Variants in DGAT2 observed in about 807,000 individuals in gnomAD.
The protein encoded by DGAT2 is diacylglycerol O-acyltransferase 2, also known as acyl-CoA retinol O-fatty-acyltransferase.
DGAT2 carries 33 observed loss-of-function variants against 48.4 expected under a neutral mutation model. That is an observed-to-expected ratio of 0.68 (90% CI 0.52 to 0.91). The LOEUF is 0.91. Among genes scored for constraint, DGAT2 ranks in the 40% least tolerant of loss-of-function variants. The probability of loss-of-function intolerance (pLI) is 0.00; values close to 1 mark genes in which losing one functional copy is unlikely to be tolerated. For missense variants in DGAT2, 446 were observed against 493.7 expected, an observed-to-expected ratio of 0.90 and a Z score of 0.92; for synonymous variants, 191 against 194.1, an observed-to-expected ratio of 0.98 and a Z score of 0.13.
At chr11:75,778,561 G>A (rs541346591) in intron 1 of DGAT2, among the ~76,000 whole-genome samples, 2 of 152,294 alleles carry the variant, frequency 1.3e-5, no homozygotes, top group Admixed American at 6.5e-5. Flanking sequence ...CTGGCTGGGC[G>A]TGGTGGCTCA....
intron 1 of DGAT2, 78 bp downstream of exon 1, chr11:75,769,190 T>G: frequency 2.7e-6 from 4 of 1,458,598 alleles, no homozygotes; most frequent in Non-Finnish European, 3.6e-6. Flanking sequence ...TGGTGGGTAC[T>G]GATGAGTCCA....
At chr11:75,786,246 A>C (rs117375932) in intron 2 of DGAT2, among the ~76,000 whole-genome samples, 3,088 of 152,272 alleles carry the variant, frequency 0.02, 82 homozygotes, top group Admixed American at 0.077. Flanking sequence ...ACTTACTAGA[A>C]TCCTAGAGTA....
At chr11:75,790,423 C>T in intron 3 of DGAT2, 128 bp downstream of exon 3, 1 of 882,482 alleles carries the variant, frequency 1.1e-6, no homozygotes, top group South Asian at 1.5e-5. Context: ...CTGGACTAGT[C>T]CTTTTGGGGG....
chr11:75,780,982 A>C (rs1385861783), intron 1 of DGAT2, among the ~76,000 whole-genome samples: 1 of 152,264 alleles, frequency 6.6e-6, no homozygotes, highest in Non-Finnish European at 1.5e-5. Context: ...CTGACAGGGC[A>C]CTGGGGATCC....
intron 5 of DGAT2, 154 bp from the exon 6 acceptor site, chr11:75,797,004 G>T: frequency 1.5e-6 from 1 of 679,372 alleles, no homozygotes; most frequent in South Asian, 3.1e-5. Context: ...TCAGAAAAAT[G>T]AATAGCTTAC....
At chr11:75,773,018 A>T (rs1944772922) in intron 1 of DGAT2, among the ~76,000 whole-genome samples, 1 of 152,136 alleles carries the variant, frequency 6.6e-6, no homozygotes. Context: ...CAAACAGAAA[A>T]AGAATATGAG....
rs1178512381 is a variant in DGAT2 at position 75,800,551 on chromosome 11, T to G, written c.*43T>G. On this transcript the variant is annotated 3_prime_UTR_variant, in exon 8 of 8. Coordinates refer to ENST00000228027, the MANE Select transcript of DGAT2 (RefSeq NM_032564.5). ...ATTCCCTGGAGGAACCAGCTGCAAA[T>G]CACTTTTTTGCTCTGTAAATTTGGA... The G allele has an allele frequency of 4.4e-6, 7 of 1,599,790 alleles. No homozygotes were observed. The highest frequency in any genetic ancestry group is 6.0e-6 in the Non-Finnish European group (7 of 1,172,864).
At chr11:75,780,285 A>C (rs1330288723) in intron 1 of DGAT2, among the ~76,000 whole-genome samples, 1 of 152,206 alleles carries the variant, frequency 6.6e-6, no homozygotes, top group Non-Finnish European at 1.5e-5. Flanking sequence ...GGAAGTACTG[A>C]CAGCCAGGTG....
At chr11:75,791,386 C>G (rs545645626) in intron 4 of DGAT2, among the ~76,000 whole-genome samples, 1 of 152,198 alleles carries the variant, frequency 6.6e-6, no homozygotes, top group Non-Finnish European at 1.5e-5. Flanking sequence ...CCAGTCTTCC[C>G]GGGACCTTCC....
At chr11:75,789,644 G>C (rs1303699598) in intron 2 of DGAT2, among the ~76,000 whole-genome samples, 2 of 152,194 alleles carry the variant, frequency 1.3e-5, no homozygotes, top group Non-Finnish European at 2.9e-5. Flanking sequence ...AGTCAGACCT[G>C]TGTTTGAATC....
intron 1 of DGAT2, chr11:75,776,383 AAGGGCTGAGTAC>A (rs2135759438): frequency 6.6e-6 from 1 of 152,362 alleles, no homozygotes; most frequent in Non-Finnish European, 1.5e-5. Context: ...CATAATGAGA[AAGGGCTGAGTAC>A]AGGGGTGAGA....
rs1287910763 is a variant in DGAT2 at position 75,800,396 on chromosome 11, A to G, written c.1055A>G (p.Gln352Arg). 1.2e-6 allele frequency: 2 copies of G among 1,614,182 alleles called. 1 individual carries two copies. Among genetic ancestry groups the G allele is most frequent in the South Asian group, 2.2e-5 (2 of 91,084 alleles). ...ATCCCCAAGCTGGAGCACCCAACCC[A>G]GCAAGACATCGACCTGTACCACACC... ...ITIPKLEHPT[Q>R]QDIDLYHTMY... The change falls in exon 8 of 8, where the codon CAG becomes CGG. Residue 352 changes from glutamine (Q) to arginine (R), a missense_variant. By Grantham distance (43) the Gln-to-Arg change is conservative. Coordinates refer to ENST00000228027, the MANE Select transcript of DGAT2 (RefSeq NM_032564.5).
chr11:75,772,216 T>G (rs1025586587), intron 1 of DGAT2, among the ~76,000 whole-genome samples: 1 of 152,184 alleles, frequency 6.6e-6, no homozygotes, highest in African/African-American at 2.4e-5. Context: ...TCCCCAAGCC[T>G]GCCCTAGTGG....
intron 1 of DGAT2, among the ~76,000 whole-genome samples, chr11:75,777,721 T>G (rs930584752): frequency 6.6e-6 from 1 of 152,042 alleles, no homozygotes; most frequent in African/African-American, 2.4e-5. Context: ...GGAGGTGAGG[T>G]GGGTGGAGGA....
rs752242965 is a variant in DGAT2, at chr11:75,769,102, T to C, written c.111T>C (p.Ser37=). ...GACCTGCGCTGTCGCGCGAGGGGTC[T>C]GGGAGATGGGGTGAGTGCCACGGCG... ...HGGPALSREG[S]GRWGTGSSIL... Residue 37 remains serine (S), a synonymous_variant, in exon 1 of 8, where the codon TCT becomes TCC. Transcript: ENST00000228027. The C allele has an allele frequency of 1.9e-6, 3 of 1,568,556 alleles. No homozygotes were observed. The highest frequency in any genetic ancestry group is 1.7e-6 in the Non-Finnish European group (2 of 1,162,750).
chr11:75,774,783 G>A lies in DGAT2; in HGVS notation c.121+5671G>A, dbSNP rs1391090497. Among the ~76,000 whole-genome samples the A allele has an allele frequency of 3.3e-5, 5 of 152,204 alleles. 1 individual carries two copies. In the South Asian group the frequency reaches 6.2e-4, roughly 19 times the overall value. On this transcript the variant is annotated intron_variant, in intron 1 of 7. Coordinates refer to ENST00000228027, the MANE Select transcript of DGAT2 (RefSeq NM_032564.5). ...CTTGCCCATATATTGTGATGGGGAC[G>A]TATTTTGGAGATTCCTTGGTGACCT... is the stretch of plus-strand genomic sequence containing the variant.
chr11:75,778,726 C>T (rs1231550187), intron 1 of DGAT2, among the ~76,000 whole-genome samples: 2 of 148,052 alleles, frequency 1.4e-5, no homozygotes, highest in Non-Finnish European at 3.0e-5. Flanking sequence ...CCCAGCTACT[C>T]GGGAGGCTGA....
Position 75,784,709 on chromosome 11 carries a change from C to T in DGAT2, c.213C>T (p.Ile71=). 6.2e-7 allele frequency: 1 copy of T among 1,614,126 alleles called. No homozygotes were observed. Among genetic ancestry groups the T allele is most frequent in the Non-Finnish European group, 8.5e-7 (1 of 1,180,000 alleles). ...RSKVEKQLQV[I]SVLQWVLSFL... ...AGGTGGAAAAGCAGCTACAGGTCAT[C>T]TCAGTGCTCCAGTGGGTCCTGTCCT... Residue 71 remains isoleucine (I), a synonymous_variant, in exon 2 of 8, where the codon ATC becomes ATT. Transcript: ENST00000228027.
At chr11:75,798,520 A>ATCAGAGCCAGGTGG in intron 7 of DGAT2, 91 bp downstream of exon 7, 2 of 1,434,888 alleles carry the variant, frequency 1.4e-6, no homozygotes, top group Non-Finnish European at 1.9e-6. Flanking sequence ...AATGCAGGCC[A>ATCAGAGCCAGGTGG]CCTGGCTCTG....
Sources: allele counts gnomAD v4.1 joint callset (sites outside exome capture counted in the v4.1 genomes callset), GRCh38; gene constraint gnomAD v4.1.1; transcripts MANE v1.5; gene names NCBI Gene and HGNC (gene_info 2026-07-23, HGNC 2026-07-21).